The following CMTM8 variants were observed in gnomAD, a reference collection of about 807,000 sequenced individuals.
CMTM8 encodes CKLF like MARVEL transmembrane domain containing 8, also known as CKLF-like MARVEL transmembrane domain-containing protein 8.
A neutral mutation model predicts 18.6 loss-of-function variants in CMTM8; 12 were observed. The ratio of observed to expected loss-of-function variants is 0.65; its 90% confidence interval spans 0.41 to 1.05. CMTM8 has a LOEUF of 1.05. Among genes scored for constraint, CMTM8 ranks in the 50% least tolerant of loss-of-function variants. The probability of loss-of-function intolerance (pLI) is 0.00; values close to 1 mark genes in which losing one functional copy is unlikely to be tolerated. For missense variants in CMTM8, 217 were observed against 227.2 expected (o/e 0.95, Z 0.29); for synonymous variants, 87 against 90.6 (o/e 0.96, Z 0.23).
chr3:32,309,304 T>TA (rs1232518363), intron 1 of CMTM8, among the ~76,000 whole-genome samples: 346 of 115,504 alleles, frequency 3.0e-3, no homozygotes, highest in Non-Finnish European at 4.9e-3. Context: ...TTACCAATTT[T>TA]TTTTTTTTTT....
chr3:32,284,837 C>T (rs1702654220), intron 1 of CMTM8, among the ~76,000 whole-genome samples: 1 of 152,166 alleles, frequency 6.6e-6, no homozygotes, highest in Non-Finnish European at 1.5e-5. Flanking sequence ...TGAGAGTTCT[C>T]TCATGTGGGC....
At chr3:32,258,403 A>C (rs1702203814) in intron 1 of CMTM8, among the ~76,000 whole-genome samples, 1 of 152,094 alleles carries the variant, frequency 6.6e-6, no homozygotes, top group South Asian at 2.1e-4. Flanking sequence ...TTTGTTATTC[A>C]CTTATAGACA....
intron 1 of CMTM8, among the ~76,000 whole-genome samples, chr3:32,311,618 C>T (rs1695820495): frequency 6.6e-6 from 1 of 152,178 alleles, no homozygotes; most frequent in Admixed American, 6.5e-5. Flanking sequence ...TCCTCTTTGC[C>T]ATGTGAAACT....
chr3:32,267,983 T>G (rs1391050839), intron 1 of CMTM8, among the ~76,000 whole-genome samples: 2 of 152,208 alleles, frequency 1.3e-5, no homozygotes, highest in East Asian at 3.9e-4. Context: ...GGAACACTTT[T>G]ACACTGTTGG....
intron 1 of CMTM8, among the ~76,000 whole-genome samples, chr3:32,253,265 C>A (rs1313041017): frequency 1.3e-5 from 2 of 151,582 alleles, no homozygotes; most frequent in African/African-American, 4.8e-5. Context: ...GTTTCCTTTG[C>A]TATATTCCAT....
At chr3:32,366,384 C>G (rs887160085) in intron 2 of CMTM8, among the ~76,000 whole-genome samples, 2 of 152,234 alleles carry the variant, frequency 1.3e-5, no homozygotes, top group African/African-American at 4.8e-5. Flanking sequence ...CCCATCTCCT[C>G]TCTGGCCCCC....
intron 1 of CMTM8, among the ~76,000 whole-genome samples, chr3:32,281,071 G>A (rs4955273): frequency 0.013 from 1,945 of 152,140 alleles, 17 homozygotes; most frequent in Non-Finnish European, 0.021. Context: ...AACTCCCCAA[G>A]CCCCATCTCT....
chr3:32,240,627 C>T (rs1211527691), intron 1 of CMTM8, among the ~76,000 whole-genome samples: 1 of 152,154 alleles, frequency 6.6e-6, no homozygotes, highest in African/African-American at 2.4e-5. Context: ...GTAAGTGGCC[C>T]ACAATCCCAT....
intron 1 of CMTM8, among the ~76,000 whole-genome samples, chr3:32,293,077 G>GTGTGTGTATA (rs148004069): frequency 3.6e-4 from 52 of 145,768 alleles, no homozygotes; most frequent in East Asian, 1.2e-3. Context: ...ATATGTGTGT[G>GTGTGTGTATA]TATATATATA....
At chr3:32,317,969 C>T (rs898663379) in intron 1 of CMTM8, among the ~76,000 whole-genome samples, 4 of 148,896 alleles carry the variant, frequency 2.7e-5, no homozygotes, top group East Asian at 2.0e-4. Context: ...TCAGGAGAAT[C>T]GCTTGAAACC....
chr3:32,334,580 T>A (rs988546620), intron 1 of CMTM8, among the ~76,000 whole-genome samples: 1 of 150,786 alleles, frequency 6.6e-6, no homozygotes, highest in Non-Finnish European at 1.5e-5. Flanking sequence ...CACTCCAGCC[T>A]GGGCGACAGA....
intron 1 of CMTM8, among the ~76,000 whole-genome samples, chr3:32,257,792 G>C (rs561547380): frequency 6.6e-6 from 1 of 152,198 alleles, no homozygotes; most frequent in African/African-American, 2.4e-5. Flanking sequence ...GTTTGTAATA[G>C]TAGATGAGAT....
chr3:32,325,528 T>G (rs560713462), intron 1 of CMTM8, among the ~76,000 whole-genome samples: 1 of 152,304 alleles, frequency 6.6e-6, no homozygotes, highest in African/African-American at 2.4e-5. Flanking sequence ...CTGGACTTTC[T>G]AAGCTTTTCA....
At chr3:32,296,854 T>G (rs1559372792) in intron 1 of CMTM8, among the ~76,000 whole-genome samples, 1 of 152,026 alleles carries the variant, frequency 6.6e-6, no homozygotes, top group Non-Finnish European at 1.5e-5. Context: ...GGCGGCAGAC[T>G]GTGTGTTATT....
At chr3:32,282,812 T>C (rs1486666584) in intron 1 of CMTM8, among the ~76,000 whole-genome samples, 1 of 152,212 alleles carries the variant, frequency 6.6e-6, no homozygotes, top group Non-Finnish European at 1.5e-5. Flanking sequence ...TCTGGCCCCC[T>C]TGCTGCTTTT....
At chr3:32,246,248 C>T (rs957012070) in intron 1 of CMTM8, among the ~76,000 whole-genome samples, 3 of 152,158 alleles carry the variant, frequency 2.0e-5, no homozygotes, top group African/African-American at 4.8e-5. Context: ...AAGGGCCCCC[C>T]TGCCATCTGA....
intron 1 of CMTM8, among the ~76,000 whole-genome samples, chr3:32,271,555 C>T (rs992872505): frequency 6.6e-6 from 1 of 152,176 alleles, no homozygotes; most frequent in Non-Finnish European, 1.5e-5. Flanking sequence ...AGTGTTTTTT[C>T]CATATTGACA....
chr3:32,330,784 C>T (rs892492490), intron 1 of CMTM8, among the ~76,000 whole-genome samples: 1 of 152,078 alleles, frequency 6.6e-6, no homozygotes, highest in Admixed American at 6.6e-5. Context: ...AACTGGATAT[C>T]CACATGCAAA....
At chr3:32,266,405 C>T (rs1424956251) in intron 1 of CMTM8, among the ~76,000 whole-genome samples, 2 of 152,146 alleles carry the variant, frequency 1.3e-5, no homozygotes, top group Admixed American at 6.5e-5. Flanking sequence ...AATTCAACAG[C>T]CCTTCATGCT....
Sources: allele counts gnomAD v4.1 joint callset (sites outside exome capture counted in the v4.1 genomes callset), GRCh38; gene constraint gnomAD v4.1.1; transcripts MANE v1.5; gene names NCBI Gene and HGNC (gene_info 2026-07-23, HGNC 2026-07-21).